Variants in SUGCT observed in about 807,000 individuals in gnomAD.
The protein encoded by SUGCT is succinyl-CoA:glutarate CoA-transferase.
A neutral mutation model predicts 55.0 loss-of-function variants in SUGCT; 41 were observed. The observed-to-expected ratio is 0.74, with a 90% CI of 0.58 to 0.97. The LOEUF is 0.97. Ranked by LOEUF, SUGCT falls within the 50% of genes least tolerant of loss-of-function variation. SUGCT has a pLI of 0.00. For synonymous variants in SUGCT, 187 were observed against 200.4 expected (o/e 0.93, Z 0.56); for missense variants, 568 against 547.8 (o/e 1.04, Z -0.37).
At chr7:40,181,847 C>A (rs2150710081) in intron 2 of SUGCT, 108 bp from the exon 3 acceptor site, 4 of 651,296 alleles carry the variant, frequency 6.1e-6, no homozygotes, top group East Asian at 5.8e-5. Context: ...TGTTTTGATT[C>A]TTACTAGGAT....
At chr7:40,737,467 C>A (rs780467250) in intron 12 of SUGCT, among the ~76,000 whole-genome samples, 1 of 151,854 alleles carries the variant, frequency 6.6e-6, no homozygotes, top group Non-Finnish European at 1.5e-5. Flanking sequence ...TTTCAAATGA[C>A]CACTCAGTTA....
chr7:40,677,815 A>G (rs955635827), intron 12 of SUGCT, among the ~76,000 whole-genome samples: 5 of 152,224 alleles, frequency 3.3e-5, no homozygotes, highest in Admixed American at 2.6e-4. Context: ...TTTAAACAAA[A>G]TAAGTGTTTC....
At chr7:40,234,741 C>T (rs1788912520) in intron 6 of SUGCT, among the ~76,000 whole-genome samples, 1 of 151,748 alleles carries the variant, frequency 6.6e-6, no homozygotes, top group Admixed American at 6.6e-5. Context: ...AAATCCCATC[C>T]CTACCCAAAA....
At chr7:40,478,512 A>G (rs1333246972) in intron 11 of SUGCT, among the ~76,000 whole-genome samples, 1 of 152,210 alleles carries the variant, frequency 6.6e-6, no homozygotes, top group African/African-American at 2.4e-5. Flanking sequence ...GCCTATTTAA[A>G]GATGTATTGC....
At chr7:40,655,984 G>A (rs748001285) in intron 12 of SUGCT, among the ~76,000 whole-genome samples, 12 of 152,096 alleles carry the variant, frequency 7.9e-5, no homozygotes, top group South Asian at 2.1e-4. Flanking sequence ...GGAAGGAGCC[G>A]AGAGGGGCAA....
chr7:40,392,281 A>G (rs1208603510), intron 9 of SUGCT, among the ~76,000 whole-genome samples: 1 of 152,198 alleles, frequency 6.6e-6, no homozygotes, highest in Non-Finnish European at 1.5e-5. Context: ...CTTAAAGTAT[A>G]ATAATAATAA....
At chr7:40,729,691 A>C (rs1054076384) in intron 12 of SUGCT, among the ~76,000 whole-genome samples, 1 of 152,186 alleles carries the variant, frequency 6.6e-6, no homozygotes. Flanking sequence ...TTGTAGACCA[A>C]CAGTTACAAT....
At chr7:40,607,136 A>C (rs1798569147) in intron 12 of SUGCT, among the ~76,000 whole-genome samples, 1 of 148,356 alleles carries the variant, frequency 6.7e-6, no homozygotes, top group Non-Finnish European at 1.5e-5. Context: ...ACAGAGTGTC[A>C]CTTTGTCAGC....
At chr7:40,793,030 T>C (rs561271726) in intron 13 of SUGCT, among the ~76,000 whole-genome samples, 2 of 152,274 alleles carry the variant, frequency 1.3e-5, no homozygotes, top group South Asian at 4.2e-4. Flanking sequence ...ACGCATTGTC[T>C]TAGACTATCT....
intron 13 of SUGCT, among the ~76,000 whole-genome samples, chr7:40,766,334 C>T (rs1788789606): frequency 6.6e-6 from 1 of 152,150 alleles, no homozygotes. Flanking sequence ...CCTCAGCCTC[C>T]TGAGTAGCTG....
chr7:40,140,503 C>A (rs188184440), intron 1 of SUGCT, among the ~76,000 whole-genome samples: 1 of 152,262 alleles, frequency 6.6e-6, no homozygotes, highest in Non-Finnish European at 1.5e-5. Flanking sequence ...CGGGTTCAAG[C>A]GATTGTCCTG....
At chr7:40,634,892 A>C (rs1181695270) in intron 12 of SUGCT, among the ~76,000 whole-genome samples, 1 of 152,216 alleles carries the variant, frequency 6.6e-6, no homozygotes, top group Non-Finnish European at 1.5e-5. Flanking sequence ...CTCATCACAA[A>C]TCTTGTAAAT....
At chr7:40,410,252 GT>G (rs1786599215) in intron 9 of SUGCT, among the ~76,000 whole-genome samples, 1 of 151,978 alleles carries the variant, frequency 6.6e-6, no homozygotes, top group African/African-American at 2.4e-5. Flanking sequence ...ATTTTATTTA[GT>G]TTTTTCAATT....
intron 13 of SUGCT, among the ~76,000 whole-genome samples, chr7:40,801,936 C>T (rs1263490956): frequency 6.6e-6 from 1 of 151,832 alleles, no homozygotes; most frequent in Non-Finnish European, 1.5e-5. Flanking sequence ...AAAAAATCTG[C>T]ATCTAGTCTT....
intron 1 of SUGCT, chr7:40,153,538 C>G (rs1788692704): frequency 2.3e-6 from 1 of 436,828 alleles, no homozygotes; most frequent in Admixed American, 2.7e-5. Flanking sequence ...TACCTATCAA[C>G]ATTTTGGACC....
chr7:40,440,145 G>GTTTTTT lies in SUGCT; in HGVS notation c.817-9115_817-9110dup, dbSNP rs138984553. Reference sequence around the variant, plus strand: ...TCAAGTTTTTTGTCTGTGTGTGTGTGTTTTTTTTTTTTTTTTTTTTTTTTT... The same window carrying GTTTTTT: ...TCAAGTTTTTTGTCTGTGTGTGTGTGTTTTTTTTTTTTTTTTTTTTTTTTTTTTTTT... On this transcript the variant is annotated intron_variant, in intron 9 of 13. Coordinates refer to ENST00000335693, the MANE Select transcript of SUGCT (RefSeq NM_001193313.2). Among the ~76,000 whole-genome samples the GTTTTTT allele has an allele frequency of 1.0e-3, 69 of 68,440 alleles. 5 individuals carry two copies. The highest frequency in any genetic ancestry group is 4.2e-3 in the African/African-American group (63 of 14,916). The allele number at this position is 68,440 out of a possible 152,430, so 44.9% of individuals were successfully genotyped here. A position where few individuals can be genotyped will look rare whatever the true frequency, so the allele number is the denominator to read the frequency against.
chr7:40,156,094 T>C (rs1356438687), intron 1 of SUGCT, among the ~76,000 whole-genome samples: 1 of 152,078 alleles, frequency 6.6e-6, no homozygotes, highest in Non-Finnish European at 1.5e-5. Flanking sequence ...TGACCTGAAG[T>C]GATCCACCTG....
chr7:40,223,435 G>C (rs998248816), intron 6 of SUGCT, among the ~76,000 whole-genome samples: 2 of 152,172 alleles, frequency 1.3e-5, no homozygotes, highest in Non-Finnish European at 2.9e-5. Context: ...GTGACGAAGG[G>C]TATTTAAAAC....
intron 12 of SUGCT, among the ~76,000 whole-genome samples, chr7:40,747,997 T>C (rs1284842499): frequency 1.3e-5 from 2 of 152,144 alleles, no homozygotes; most frequent in Admixed American, 1.3e-4. Flanking sequence ...TTGCTTCATT[T>C]CAGTACTCAA....
Sources: allele counts gnomAD v4.1 joint callset (sites outside exome capture counted in the v4.1 genomes callset), GRCh38; gene constraint gnomAD v4.1.1; transcripts MANE v1.5; gene names NCBI Gene and HGNC (gene_info 2026-07-23, HGNC 2026-07-21).